GALNTL6: variants seen among roughly 807,000 people sequenced by gnomAD.
GALNTL6 encodes the protein polypeptide N-acetylgalactosaminyltransferase-like 6.
Under a neutral mutation model 73.7 loss-of-function variants are expected in GALNTL6, and 46 were observed. The ratio of observed to expected loss-of-function variants is 0.62; its 90% CI spans 0.49 to 0.80. GALNTL6 has a LOEUF of 0.80. GALNTL6 is among the 30% of genes least tolerant of loss of function. GALNTL6 has a pLI of 0.00. For missense variants in GALNTL6, 604 were observed against 755.0 expected, an observed-to-expected ratio of 0.80 and a Z score of 2.34; for synonymous variants, 259 against 263.7, an observed-to-expected ratio of 0.98 and a Z score of 0.17.
intron 2 of GALNTL6, among the ~76,000 whole-genome samples, chr4:171,988,478 T>C (rs989250555): frequency 6.6e-6 from 1 of 152,004 alleles, no homozygotes; most frequent in African/African-American, 2.4e-5. Flanking sequence ...GAGGCTGGGA[T>C]GAAGGGTGCA....
At chr4:171,916,422 A>T (rs914985112) in intron 2 of GALNTL6, among the ~76,000 whole-genome samples, 1 of 152,176 alleles carries the variant, frequency 6.6e-6, no homozygotes, top group Non-Finnish European at 1.5e-5. Flanking sequence ...TAGTAACTTC[A>T]AAGGCTTATA....
chr4:172,819,880 T>C (rs1460921690), intron 7 of GALNTL6, among the ~76,000 whole-genome samples: 1 of 152,214 alleles, frequency 6.6e-6, no homozygotes, highest in Non-Finnish European at 1.5e-5. Flanking sequence ...GGAATAATCA[T>C]ACTCAAATAG....
rs578143023 is a variant in GALNTL6, at chr4:172,101,619, T to TA, written c.139-128037_139-128036insA. 3.2e-3 allele frequency among the ~76,000 whole-genome samples: 492 copies of TA among 152,344 alleles called. 3 individuals are homozygous for TA. Among genetic ancestry groups the TA allele is most frequent in the African/African-American group, 0.011 (443 of 41,578 alleles). Reference sequence around the variant, plus strand: ...ATAAAACCATTTAATTTGCCTCTTTTTTTGTAATTATTTTGGTATTATCTA... The same window carrying TA: ...ATAAAACCATTTAATTTGCCTCTTTTATTTGTAATTATTTTGGTATTATCTA... On this transcript the variant is annotated intron_variant, in intron 2 of 12. Transcript: ENST00000506823.
In GALNTL6 at chr4:171,814,532, C is replaced by T; in HGVS notation, c.-49C>T. ...GGAATTTGACATTAAACACAAGAAG[C>T]AGTCAGGGAGCCATCTCCTTTAACT... On this transcript the variant is annotated 5_prime_UTR_variant, in exon 2 of 13. Transcript: ENST00000506823. 6.3e-7 allele frequency: 1 copy of T among 1,596,500 alleles called. No homozygotes were observed. The highest frequency in any genetic ancestry group is 8.6e-7 in the Non-Finnish European group (1 of 1,167,674).
intron 5 of GALNTL6, among the ~76,000 whole-genome samples, chr4:172,550,239 A>G (rs1735907092): frequency 6.6e-6 from 1 of 152,196 alleles, no homozygotes. Context: ...GCACTATCCA[A>G]TTGCCATCCA....
chr4:172,114,004 CAAAAG>C (rs1039098582), intron 2 of GALNTL6, among the ~76,000 whole-genome samples: 5 of 152,066 alleles, frequency 3.3e-5, no homozygotes, highest in African/African-American at 7.2e-5. Context: ...ACAAGACAAA[CAAAAG>C]AAAACAGCAT....
At chr4:172,532,012 T>A (rs1159654434) in intron 5 of GALNTL6, among the ~76,000 whole-genome samples, 1 of 151,946 alleles carries the variant, frequency 6.6e-6, no homozygotes. Flanking sequence ...TGGGTGGGAG[T>A]AGGTTTCTTC....
intron 5 of GALNTL6, among the ~76,000 whole-genome samples, chr4:172,688,164 A>G (rs542505932): frequency 6.6e-6 from 1 of 152,112 alleles, no homozygotes; most frequent in East Asian, 1.9e-4. Flanking sequence ...CTCATAAATA[A>G]TGCACATGGC....
chr4:172,128,764 T>C (rs1359554591), intron 2 of GALNTL6, among the ~76,000 whole-genome samples: 1 of 152,210 alleles, frequency 6.6e-6, no homozygotes, highest in Non-Finnish European at 1.5e-5. Flanking sequence ...CCAATCTTTT[T>C]GTTTGTTGTT....
At chr4:172,880,267 G>A (rs1212403910) in intron 7 of GALNTL6, among the ~76,000 whole-genome samples, 3 of 152,066 alleles carry the variant, frequency 2.0e-5, no homozygotes, top group Non-Finnish European at 2.9e-5. Flanking sequence ...TCCATCAACA[G>A]GTGAATGGAT....
intron 2 of GALNTL6, among the ~76,000 whole-genome samples, chr4:171,872,098 C>T (rs951732237): frequency 2.6e-5 from 4 of 151,994 alleles, no homozygotes; most frequent in Non-Finnish European, 4.4e-5. Flanking sequence ...ATATACTTTG[C>T]TAAATATATT....
intron 2 of GALNTL6, among the ~76,000 whole-genome samples, chr4:171,943,805 T>C (rs1379774764): frequency 2.0e-5 from 3 of 152,158 alleles, no homozygotes; most frequent in Non-Finnish European, 4.4e-5. Flanking sequence ...ATAATTTTAT[T>C]GCTCCCTTAG....
chr4:172,604,783 T>C (rs990082745), intron 5 of GALNTL6, among the ~76,000 whole-genome samples: 27 of 152,312 alleles, frequency 1.8e-4, no homozygotes, highest in African/African-American at 6.0e-4. Flanking sequence ...CTTGGAAGCT[T>C]CAGTGGCCAT....
At chr4:172,208,778 A>G (rs2110920840) in intron 2 of GALNTL6, among the ~76,000 whole-genome samples, 1 of 152,292 alleles carries the variant, frequency 6.6e-6, no homozygotes, top group Non-Finnish European at 1.5e-5. Context: ...GAACATTACA[A>G]GTGAGGATGG....
At chr4:172,137,977 A>G (rs1319863586) in intron 2 of GALNTL6, among the ~76,000 whole-genome samples, 2 of 152,126 alleles carry the variant, frequency 1.3e-5, no homozygotes, top group Non-Finnish European at 2.9e-5. Flanking sequence ...CTGAGAAAAC[A>G]CCAACCTACA....
intron 2 of GALNTL6, among the ~76,000 whole-genome samples, chr4:172,016,891 C>T (rs1485020305): frequency 6.6e-6 from 1 of 152,048 alleles, no homozygotes; most frequent in Non-Finnish European, 1.5e-5. Context: ...GGCTTTCCCT[C>T]ATGCTTGGTT....
At chr4:173,020,270 G>A (rs963921434) in intron 11 of GALNTL6, among the ~76,000 whole-genome samples, 1 of 152,172 alleles carries the variant, frequency 6.6e-6, no homozygotes, top group Non-Finnish European at 1.5e-5. Flanking sequence ...ACATTGTAAA[G>A]CCAACTTAGT....
intron 2 of GALNTL6, among the ~76,000 whole-genome samples, chr4:171,950,470 A>C (rs62326318): frequency 0.47 from 65,463 of 138,646 alleles, 16,134 homozygotes; most frequent in Admixed American, 0.6. Flanking sequence ...GCAAAGTAAA[A>C]TCTTTTCTTT....
At chr4:172,451,275 C>A (rs746159992) in intron 5 of GALNTL6, among the ~76,000 whole-genome samples, 9 of 152,068 alleles carry the variant, frequency 5.9e-5, no homozygotes, top group Non-Finnish European at 1.3e-4. Context: ...TTTACTAATC[C>A]CATTTGTTTC....
Sources: gnomAD v4.1 joint callset for allele counts (sites outside exome capture counted in the v4.1 genomes callset) on GRCh38, gnomAD v4.1.1 for gene constraint, MANE v1.5 for transcripts, NCBI Gene and HGNC (gene_info 2026-07-23, HGNC 2026-07-21) for gene names.